ZMAT3: variants seen among roughly 807,000 people sequenced by gnomAD.
ZMAT3 encodes zinc finger matrin-type 3.
In ZMAT3, 17 loss-of-function variants were observed where a neutral mutation model predicts 32.3. The observed-to-expected ratio is 0.53, with a 90% CI of 0.36 to 0.79. ZMAT3 has a LOEUF of 0.79. Ranked by LOEUF, ZMAT3 falls within the 30% of genes least tolerant of loss-of-function variation. The probability of loss-of-function intolerance (pLI) is 0.00; values close to 1 mark genes in which losing one functional copy is unlikely to be tolerated. For synonymous variants in ZMAT3, 120 were observed against 133.1 expected, an observed-to-expected ratio of 0.90 and a Z score of 0.68; for missense variants, 329 against 359.7, an observed-to-expected ratio of 0.91 and a Z score of 0.69.
At chr3:179,064,167 G>C (rs1373347452) in intron 2 of ZMAT3, among the ~76,000 whole-genome samples, 1 of 152,198 alleles carries the variant, frequency 6.6e-6, no homozygotes, top group Non-Finnish European at 1.5e-5. Context: ...AAAAAGTTTT[G>C]AGTAATGTAA....
chr3:179,042,225 A>G (rs1719977337), intron 2 of ZMAT3, among the ~76,000 whole-genome samples: 1 of 152,162 alleles, frequency 6.6e-6, no homozygotes, highest in South Asian at 2.1e-4. Flanking sequence ...TCATTTTATG[A>G]GGCCAACATC....
chr3:179,054,635 CTCACTCTATT>C (rs1164621225), intron 2 of ZMAT3, among the ~76,000 whole-genome samples: 1 of 152,162 alleles, frequency 6.6e-6, no homozygotes, highest in Non-Finnish European at 1.5e-5. Context: ...GAGCTCTGTT[CTCACTCTATT>C]TCACTCTATT....
In ZMAT3 at chr3:179,024,697, C is replaced by T. The variant is rs972165769; in HGVS notation, c.*320G>A. On this transcript the variant is annotated 3_prime_UTR_variant, in exon 6 of 6. Transcript: ENST00000311417. Reference sequence around the variant, plus strand: ...CTTTTAAATAGTCAAAGTTCTAAGCCGTCAGGCTACTAGTTGACCAGAACT... The same window carrying T: ...CTTTTAAATAGTCAAAGTTCTAAGCTGTCAGGCTACTAGTTGACCAGAACT... 1.6e-5 allele frequency: 4 copies of T among 244,824 alleles called. No individual in the cohort carries two copies. In the South Asian group the frequency reaches 3.5e-4, roughly 22 times the overall value. 15.2% of individuals were successfully genotyped at this position (244,824 alleles called of 1,614,324 possible). A position where few individuals can be genotyped will look rare whatever the true frequency, so the allele number is the denominator to read the frequency against.
chr3:179,055,450 C>T (rs1472904015), intron 2 of ZMAT3, among the ~76,000 whole-genome samples: 1 of 152,002 alleles, frequency 6.6e-6, no homozygotes, highest in Non-Finnish European at 1.5e-5. Context: ...AGGAAGCCCT[C>T]AGAGTCCACC....
chr3:179,042,917 T>C (rs1417810569), intron 2 of ZMAT3, among the ~76,000 whole-genome samples: 2 of 152,214 alleles, frequency 1.3e-5, no homozygotes, highest in Non-Finnish European at 2.9e-5. Flanking sequence ...CAAGCACTCC[T>C]ATACACCAAT....
rs894520237 is a variant in ZMAT3 at position 179,025,274 on chromosome 3, G to A, written c.659-46C>T. ...AATATATTCAAAATATTCATTAAGT[G>A]AATGACAACCTGACCAATTATCACT... On this transcript the variant is annotated intron_variant, in intron 5 of 5. Coordinates refer to ENST00000311417, the MANE Select transcript of ZMAT3 (RefSeq NM_022470.4). 2.1e-6 allele frequency: 3 copies of A among 1,452,702 alleles called. No individual in the cohort carries two copies. In the African/African-American group the frequency reaches 4.2e-5, roughly 21 times the overall value. The allele number at this position is 1,452,702 out of a possible 1,614,324, so 90.0% of individuals were successfully genotyped here.
chr3:179,040,890 C>G (rs1247603259), intron 2 of ZMAT3, among the ~76,000 whole-genome samples: 7 of 112,808 alleles, frequency 6.2e-5, no homozygotes, highest in Admixed American at 2.0e-4. Flanking sequence ...ATCTACCAAG[C>G]AAATGGAAAG....
Position 179,024,848 on chromosome 3 carries a change from C to T in ZMAT3, c.*169G>A. ...CGTTCTTCACACCCACCTCCCCCCG[C>T]CCCGCCCCCGGGCCCCCAGGTTTTG... On this transcript the variant is annotated 3_prime_UTR_variant, in exon 6 of 6. Transcript: ENST00000311417. 11 of 498,440 alleles carry T rather than the reference C, an allele frequency of 2.2e-5. No individual in the cohort carries two copies. The highest frequency in any genetic ancestry group is 2.1e-4 in the South Asian group (11 of 51,742). The allele number at this position is 498,440 out of a possible 1,614,324, so 30.9% of individuals were successfully genotyped here.
intron 2 of ZMAT3, among the ~76,000 whole-genome samples, chr3:179,031,946 C>T (rs570378282): frequency 0.1 from 147 of 1,438 alleles, 20 homozygotes; most frequent in Middle Eastern, 0.2. Context: ...CCTCCCCCTC[C>T]CCCTCCCCCT....
chr3:179,045,106 G>C (rs1361301629), intron 2 of ZMAT3, among the ~76,000 whole-genome samples: 1 of 151,994 alleles, frequency 6.6e-6, no homozygotes, highest in Non-Finnish European at 1.5e-5. Flanking sequence ...GTCGGTGATA[G>C]AGAGCAAAGG....
At chr3:179,058,917 G>A (rs1259320235) in intron 2 of ZMAT3, among the ~76,000 whole-genome samples, 1 of 152,080 alleles carries the variant, frequency 6.6e-6, no homozygotes, top group Non-Finnish European at 1.5e-5. Context: ...TTAGGAGAAG[G>A]AAAAAGGGTA....
Position 179,017,417 on chromosome 3 carries a change from A to G in ZMAT3, c.*7600T>C, listed in dbSNP as rs1232651590. 6.6e-6 allele frequency: 1 copy of G among 152,204 alleles called. No individual in the cohort carries two copies. The highest frequency in any genetic ancestry group is 2.4e-5 in the African/African-American group (1 of 41,454). The allele number at this position is 152,204 out of a possible 1,614,324, so 9.4% of individuals were successfully genotyped here. On this transcript the variant is annotated 3_prime_UTR_variant, in exon 6 of 6. Coordinates refer to ENST00000311417, the MANE Select transcript of ZMAT3 (RefSeq NM_022470.4). ...ATATGCTAAAGAAAATAAAACCGAA[A>G]GAGTAGTTTCAATTTCACAATTCAC...
chr3:179,040,525 C>A (rs1174357330), intron 2 of ZMAT3, among the ~76,000 whole-genome samples: 1 of 152,104 alleles, frequency 6.6e-6, no homozygotes, highest in African/African-American at 2.4e-5. Flanking sequence ...TACAGACAAG[C>A]AAATGCTGAG....
At chr3:179,036,104 G>A (rs573084954) in intron 2 of ZMAT3, among the ~76,000 whole-genome samples, 7 of 152,294 alleles carry the variant, frequency 4.6e-5, no homozygotes, top group African/African-American at 1.7e-4. Context: ...GGGAGCCTCT[G>A]AGGAACTTTA....
chr3:179,027,520 T>A lies in ZMAT3; in HGVS notation c.561A>T (p.Glu187Asp), dbSNP rs1351076859. The part of the protein sequence containing the change: ...LAEAQSNSFS[E>D]SSELGQRRAR... ...CCCGCCGTTGACCCAGCTCTGAGGA[T>A]TCCCTGGAGAAAAGAAGTTTAAAAA... is the stretch of plus-strand genomic sequence containing the variant. The change falls in exon 5 of 6, where the codon GAA (glutamate) becomes GAT (aspartate). Residue 187 changes from glutamate to aspartate, a missense_variant. Physicochemically the swap from Glu to Asp is conservative, Grantham distance 45 (BLOSUM62 2). Transcript: ENST00000311417. The A allele has an allele frequency of 1.2e-6, 2 of 1,614,240 alleles. No individual in the cohort carries two copies. Among genetic ancestry groups the A allele is most frequent in the Non-Finnish European group, 1.7e-6 (2 of 1,180,044 alleles).
chr3:179,040,356 GA>G (rs1212081730), intron 2 of ZMAT3, among the ~76,000 whole-genome samples: 1 of 152,138 alleles, frequency 6.6e-6, no homozygotes, highest in East Asian at 1.9e-4. Flanking sequence ...CCCACAAAGG[GA>G]AACCCATCAG....
rs1353951351 is a variant in ZMAT3, at chr3:179,024,979, CA to C, written c.*37del. On this transcript the variant is annotated 3_prime_UTR_variant, in exon 6 of 6. Transcript: ENST00000311417. The stretch of plus-strand genomic sequence containing the variant: ...GGGCAAGTTGACAAAAGGCAAACAA[CA>C]GGCAGGAAAAGCTGCTCTATCTTAA... The C allele has an allele frequency of 6.2e-7, 1 of 1,601,720 alleles. No homozygotes were observed. Among genetic ancestry groups the C allele is most frequent in the East Asian group, 2.2e-5 (1 of 44,730 alleles).
rs191483272 is a variant in ZMAT3, at chr3:179,025,119, G to A, written c.768C>T (p.Gly256=). 1.5e-5 allele frequency: 25 copies of A among 1,613,898 alleles called. No individual in the cohort carries two copies. The Admixed American group carries it at 2.7e-4, about 17-fold the overall frequency. ...FYCSMCNVGA[G]EEMEFRQHLE... ...AATGCTGCCGGAATTCCATCTCTTC[G>A]CCAGCTCCAACATTACACATTGAGC... Residue 256 remains glycine (G), a synonymous_variant, in exon 6 of 6, where the codon GGC becomes GGT. Transcript: ENST00000311417.
intron 2 of ZMAT3, among the ~76,000 whole-genome samples, chr3:179,031,901 T>C (rs1719218040): frequency 1.1e-5 from 1 of 94,574 alleles, no homozygotes; most frequent in Non-Finnish European, 2.0e-5. Flanking sequence ...AGTTAGATTC[T>C]GTCTCAAATA....
Sources: allele counts gnomAD v4.1 joint callset (sites outside exome capture counted in the v4.1 genomes callset), GRCh38; gene constraint gnomAD v4.1.1; transcripts MANE v1.5; gene names NCBI Gene and HGNC (gene_info 2026-07-23, HGNC 2026-07-21).